The following FAM168A variants were observed in gnomAD, a reference collection of about 807,000 sequenced individuals.
The protein encoded by FAM168A is protein FAM168A.
A neutral mutation model predicts 28.5 loss-of-function variants in FAM168A; 3 were observed. That is an observed-to-expected ratio of 0.11 (90% CI 0.05 to 0.27). The LOEUF (loss-of-function observed/expected upper bound fraction) is 0.27. Among genes scored for constraint, FAM168A ranks in the 10% least tolerant of loss-of-function variants. The pLI, the probability that FAM168A is intolerant of heterozygous loss-of-function variation, is 1.00. For synonymous variants in FAM168A, 122 were observed against 124.2 expected (o/e 0.98, Z 0.12); for missense variants, 222 against 311.5 (o/e 0.71, Z 2.16).
At chr11:73,572,684 C>T (rs1218583627) in intron 1 of FAM168A, among the ~76,000 whole-genome samples, 13 of 139,692 alleles carry the variant, frequency 9.3e-5, no homozygotes, top group South Asian at 2.3e-4. Context: ...GCAGCATGCT[C>T]GTTAAGAGTC....
chr11:73,456,623 G>T (rs1196699258), intron 2 of FAM168A, among the ~76,000 whole-genome samples: 1 of 152,078 alleles, frequency 6.6e-6, no homozygotes, highest in Non-Finnish European at 1.5e-5. Flanking sequence ...GTTTTTCATT[G>T]TTATTGTTTT....
At chr11:73,535,523 C>T (rs1943568047) in intron 1 of FAM168A, among the ~76,000 whole-genome samples, 1 of 151,232 alleles carries the variant, frequency 6.6e-6, no homozygotes, top group East Asian at 1.9e-4. Flanking sequence ...GGGTTCATGC[C>T]ATTCTCCTGC....
At chr11:73,568,935 A>T (rs950388294) in intron 1 of FAM168A, among the ~76,000 whole-genome samples, 1 of 152,192 alleles carries the variant, frequency 6.6e-6, no homozygotes, top group Admixed American at 6.5e-5. Flanking sequence ...TGCCACTGTC[A>T]TATCTTATTT....
Position 73,587,176 on chromosome 11 carries a change from A to C in FAM168A, c.-19+10747T>G, listed in dbSNP as rs530654633. On this transcript the variant is annotated intron_variant, in intron 1 of 7. Coordinates refer to ENST00000356467, the MANE Select transcript of FAM168A (RefSeq NM_015159.3). ...TTAAAAAAAAAAAAAAAAAAAAAAA[A>C]AACTAAGTTTCAGTTTCATTAAAGA... Among the ~76,000 whole-genome samples the C allele has an allele frequency of 2.7e-3, 401 of 150,674 alleles. 2 individuals are homozygous for C. The highest frequency in any genetic ancestry group is 0.019 in the South Asian group (93 of 4,784).
rs1486829618 is a variant in FAM168A, at chr11:73,403,130, GGTGT to G, written c.*3629_*3632del. 2.6e-5 allele frequency: 4 copies of G among 152,224 alleles called. No homozygotes were observed. Among genetic ancestry groups the G allele is most frequent in the Admixed American group, 1.3e-4 (2 of 15,288 alleles). The allele number at this position is 152,224 out of a possible 1,614,324, so 9.4% of individuals were successfully genotyped here. A position where few individuals can be genotyped will look rare whatever the true frequency, so the allele number is the denominator to read the frequency against. On this transcript the variant is annotated 3_prime_UTR_variant, in exon 8 of 8. Coordinates refer to ENST00000356467, the MANE Select transcript of FAM168A (RefSeq NM_015159.3). ...TTGCATACCAAAAACGCTCTGGACA[GGTGT>G]GTGTGTCTCTGCTAAATATTCAGGA...
At chr11:73,491,446 G>A (rs1250923755) in intron 1 of FAM168A, among the ~76,000 whole-genome samples, 2 of 152,170 alleles carry the variant, frequency 1.3e-5, no homozygotes, top group Non-Finnish European at 2.9e-5. Context: ...TCAGAATCCA[G>A]CTAGCACAGA....
intron 2 of FAM168A, among the ~76,000 whole-genome samples, chr11:73,438,973 GATAGGCAGAAGGAAATAAA>G (rs1277773957): frequency 7.2e-6 from 1 of 139,130 alleles, no homozygotes; most frequent in African/African-American, 2.7e-5. Flanking sequence ...TCTTTTCTTT[GATAGGCAGAAGGAAATAAA>G]ATAAATAGAC....
In FAM168A at chr11:73,409,394, G is replaced by A. The variant is rs1866566699; in HGVS notation, c.595+93C>T. ...AGCCCCCTGGCACAGGATCTCTTGT[G>A]CTGTGCTGCAGCCAATTCTATGACT... On this transcript the variant is annotated intron_variant, in intron 6 of 7. Transcript: ENST00000356467. 41 of 1,510,850 alleles carry A rather than the reference G, an allele frequency of 2.7e-5. No homozygotes were observed. The Middle Eastern group carries it at 5.2e-4, about 19-fold the overall frequency. 93.6% of individuals were successfully genotyped at this position (1,510,850 alleles called of 1,614,324 possible).
intron 2 of FAM168A, among the ~76,000 whole-genome samples, chr11:73,443,927 G>C (rs1446037289): frequency 6.6e-6 from 1 of 152,166 alleles, no homozygotes; most frequent in Non-Finnish European, 1.5e-5. Context: ...AGTAAGTTCA[G>C]AGCAAGCCCT....
At chr11:73,524,740 A>G (rs544797275) in intron 1 of FAM168A, among the ~76,000 whole-genome samples, 3 of 152,068 alleles carry the variant, frequency 2.0e-5, no homozygotes, top group African/African-American at 7.2e-5. Flanking sequence ...TCGGATTACA[A>G]GCATGCGCCA....
chr11:73,466,744 G>C (rs1867741880), intron 2 of FAM168A, among the ~76,000 whole-genome samples: 1 of 152,130 alleles, frequency 6.6e-6, no homozygotes, highest in Admixed American at 6.5e-5. Flanking sequence ...TTTTAAGAAA[G>C]AAAAAGAAAT....
intron 1 of FAM168A, among the ~76,000 whole-genome samples, chr11:73,543,567 T>C (rs1943684759): frequency 6.6e-6 from 1 of 152,152 alleles, no homozygotes; most frequent in African/African-American, 2.4e-5. Context: ...GGCCCATTAA[T>C]TGTTCTTTAA....
intron 1 of FAM168A, among the ~76,000 whole-genome samples, chr11:73,565,986 T>C (rs1944016937): frequency 1.3e-5 from 2 of 152,180 alleles, no homozygotes. Flanking sequence ...TTCCCCCCTT[T>C]CCTTTTTCCC....
chr11:73,596,267 C>T (rs1030018960), intron 1 of FAM168A, among the ~76,000 whole-genome samples: 1 of 152,132 alleles, frequency 6.6e-6, no homozygotes, highest in African/African-American at 2.4e-5. Flanking sequence ...AAATGCCTGG[C>T]TAGTTTTTAA....
At chr11:73,419,019 C>T (rs1866745090) in intron 4 of FAM168A, among the ~76,000 whole-genome samples, 1 of 152,056 alleles carries the variant, frequency 6.6e-6, no homozygotes, top group South Asian at 2.1e-4. Context: ...ACCGTGTTAG[C>T]CAGGATGGTC....
intron 2 of FAM168A, among the ~76,000 whole-genome samples, chr11:73,458,943 G>T (rs768117538): frequency 6.6e-6 from 1 of 152,198 alleles, no homozygotes; most frequent in African/African-American, 2.4e-5. Context: ...AGTGCTTGTT[G>T]TAAGGATTAA....
Position 73,411,391 on chromosome 11 carries a change from T to C in FAM168A, c.420+3A>G. On this transcript the variant is annotated splice_donor_region_variant and intron_variant, in intron 5 of 7. Transcript: ENST00000356467. ...AGAAGAGGTGGCTTTGACATGTACC[T>C]ACCTGGGCATACAGATTCTGCTGGG... The C allele has an allele frequency of 1.9e-6, 3 of 1,592,530 alleles. No homozygotes were observed. Among genetic ancestry groups the C allele is most frequent in the Non-Finnish European group, 2.6e-6 (3 of 1,168,870 alleles).
intron 1 of FAM168A, among the ~76,000 whole-genome samples, chr11:73,523,062 G>A (rs1018001696): frequency 6.6e-6 from 1 of 151,808 alleles, no homozygotes; most frequent in South Asian, 2.1e-4. Flanking sequence ...ATGAGAGGAG[G>A]GGGCTGCTGG....
chr11:73,552,531 C>T (rs1197640460), intron 1 of FAM168A, among the ~76,000 whole-genome samples: 1 of 152,210 alleles, frequency 6.6e-6, no homozygotes, highest in Admixed American at 6.5e-5. Context: ...GCTACTATTA[C>T]ATACCAATAT....
Sources: gnomAD v4.1 joint callset for allele counts (sites outside exome capture counted in the v4.1 genomes callset) on GRCh38, gnomAD v4.1.1 for gene constraint, MANE v1.5 for transcripts, NCBI Gene and HGNC (gene_info 2026-07-23, HGNC 2026-07-21) for gene names.